The following KANTR variants were observed in gnomAD, a reference collection of about 807,000 sequenced individuals.
KANTR encodes KDM5C adjacent transcript.
At position 53,098,050 on chromosome X, in the gene KANTR, CAAAAAAAAAAA is replaced by C. The variant is rs782145330; in HGVS notation, c.-941-1412_-941-1402del. Among the ~76,000 whole-genome samples the C allele has an allele frequency of 6.8e-5, 3 of 44,253 alleles. No homozygotes were observed. In the East Asian group the frequency reaches 2.5e-3, roughly 36 times the overall value. 38.4% of individuals were successfully genotyped at this position (44,253 alleles called of 115,157 possible). A position where few individuals can be genotyped will look rare whatever the true frequency, so the allele number is the denominator to read the frequency against. On this transcript the variant is annotated intron_variant, in intron 1 of 2. Coordinates refer to ENST00000604062, the Ensembl canonical transcript of KANTR. ...TGGGTGACACAGCGAGACTCTGTCTCAAAAAAAAAAAAAAAAAAAAGAAAGAAAGAAATTAT... is the reference window on the plus strand; with the variant it reads ...TGGGTGACACAGCGAGACTCTGTCTCAAAAAAAAAGAAAGAAAGAAATTAT...
chrX:53,142,929 C>G, downstream of KANTR: 1 of 716,361 alleles, frequency 1.4e-6, no homozygotes. Context: ...CAATCCACAC[C>G]GAGTACTTGT....
At chrX:53,122,419 T>C (rs1376479159) in intron 2 of KANTR, among the ~76,000 whole-genome samples, 1 of 112,017 alleles carries the variant, frequency 8.9e-6, no homozygotes, top group Non-Finnish European at 1.9e-5. Flanking sequence ...TCTTTTCCTT[T>C]CCAATCTTTA....
At chrX:53,143,954 A>T (rs1933538281), downstream of KANTR, 1 of 311,312 alleles carries the variant, frequency 3.2e-6, no homozygotes, top group South Asian at 4.4e-5. Flanking sequence ...CCATGGGAAG[A>T]CACGGTGTGG....
chrX:53,136,026 C>CTGT (rs782110287), intron 2 of KANTR, among the ~76,000 whole-genome samples: 66 of 111,779 alleles, frequency 5.9e-4, no homozygotes, highest in African/African-American at 2.0e-3. Context: ...GCAGATGGGT[C>CTGT]TGTCATCATG....
chrX:53,143,161 T>A, downstream of KANTR: 1 of 936,875 alleles, frequency 1.1e-6, no homozygotes, highest in Non-Finnish European at 1.5e-6. Context: ...CCAGAACCAC[T>A]TGTTGCCGAT....
intron 2 of KANTR, among the ~76,000 whole-genome samples, chrX:53,104,416 G>A (rs1452672871): frequency 1.8e-5 from 2 of 109,253 alleles, no homozygotes; most frequent in African/African-American, 3.3e-5. Flanking sequence ...TAGTAGAGAC[G>A]GGGTTTTGCC....
chrX:53,097,350 G>GT lies in KANTR; in HGVS notation c.-941-2102dup, dbSNP rs781783647. On this transcript the variant is annotated intron_variant, in intron 1 of 2. Transcript: ENST00000604062. ...ACAACCCTTTTTTCATTTGTTTTAA[G>GT]TTTTTTTTTTTTTTTTTTTTGAGAC... Among the ~76,000 whole-genome samples the GT allele has an allele frequency of 2.8e-3, 193 of 67,966 alleles. 4 individuals carry two copies. Among genetic ancestry groups the GT allele is most frequent in the South Asian group, 0.013 (11 of 867 alleles). 59.0% of individuals were successfully genotyped at this position (67,966 alleles called of 115,157 possible). A position where few individuals can be genotyped will look rare whatever the true frequency, so the allele number is the denominator to read the frequency against.
At chrX:53,134,343 CA>C (rs1179269103) in intron 2 of KANTR, among the ~76,000 whole-genome samples, 2 of 104,915 alleles carry the variant, frequency 1.9e-5, no homozygotes, top group Non-Finnish European at 3.9e-5. Flanking sequence ...GCCTGGGCAA[CA>C]AAAGTGAAAC....
At chrX:53,145,907 A>C (rs1313694590), downstream of KANTR, among the ~76,000 whole-genome samples, 1 of 112,434 alleles carries the variant, frequency 8.9e-6, no homozygotes, top group Non-Finnish European at 1.9e-5. Context: ...GTGGACCTCC[A>C]GCAAACTCCA....
intron 2 of KANTR, among the ~76,000 whole-genome samples, chrX:53,117,772 C>T (rs191530660): frequency 1.1e-3 from 123 of 108,309 alleles, no homozygotes; most frequent in African/African-American, 4.0e-3. Context: ...AGGTGTGCAC[C>T]ACCACACCCA....
At chrX:53,120,275 A>G (rs1933197810) in intron 2 of KANTR, among the ~76,000 whole-genome samples, 2 of 111,068 alleles carry the variant, frequency 1.8e-5, no homozygotes, top group African/African-American at 6.6e-5. Context: ...GCCTCAAGTG[A>G]TCCTCCTGCC....
At chrX:53,141,189 A>G (rs1933497278) in intron 2 of KANTR, among the ~76,000 whole-genome samples, 4 of 112,346 alleles carry the variant, frequency 3.6e-5, no homozygotes, top group Admixed American at 1.9e-4. Context: ...ATTATTTTGA[A>G]ATTATATTTG....
chrX:53,131,128 G>A (rs1435413340), downstream of KANTR, among the ~76,000 whole-genome samples: 1 of 110,991 alleles, frequency 9.0e-6, no homozygotes, highest in Non-Finnish European at 1.9e-5. Flanking sequence ...ATACTCAGAG[G>A]TAGGATTGAC....
At chrX:53,124,828 G>A (rs1933274033) in exon 3 of KANTR, 1 of 132,422 alleles carries the variant, frequency 7.6e-6, no homozygotes, top group Non-Finnish European at 1.5e-5. Context: ...TTGTTTTATG[G>A]CTTAGTATGT....
chrX:53,128,274 A>G (rs1270240260), downstream of KANTR, among the ~76,000 whole-genome samples: 1 of 111,667 alleles, frequency 9.0e-6, no homozygotes, highest in Non-Finnish European at 1.9e-5. Flanking sequence ...CTGTACACTG[A>G]AGACACAGAG....
intron 2 of KANTR, among the ~76,000 whole-genome samples, chrX:53,100,696 G>A (rs1556811723): frequency 9.1e-6 from 1 of 109,597 alleles, no homozygotes; most frequent in Non-Finnish European, 1.9e-5. Flanking sequence ...TACTCAAGAG[G>A]CTGAGTCAGG....
intron 2 of KANTR, among the ~76,000 whole-genome samples, chrX:53,118,824 G>A (rs1164942084): frequency 3.6e-5 from 4 of 109,596 alleles, no homozygotes; most frequent in Non-Finnish European, 5.7e-5. Context: ...AAGACTGGTC[G>A]TGAACTCCTG....
intron 2 of KANTR, among the ~76,000 whole-genome samples, chrX:53,139,631 A>C (rs1398303625): frequency 1.8e-5 from 2 of 111,837 alleles, no homozygotes; most frequent in African/African-American, 6.5e-5. Flanking sequence ...CCAGCCAGAC[A>C]ATACAACATG....
downstream of KANTR, among the ~76,000 whole-genome samples, chrX:53,146,341 T>C (rs1381982636): frequency 1.8e-5 from 2 of 111,905 alleles, no homozygotes; most frequent in Non-Finnish European, 3.8e-5. Flanking sequence ...AACTATCTGA[T>C]GAATGCACAA....
Sources: allele counts gnomAD v4.1 joint callset (sites outside exome capture counted in the v4.1 genomes callset), GRCh38; gene constraint gnomAD v4.1.1; transcripts MANE v1.5; gene names NCBI Gene and HGNC (gene_info 2026-07-23, HGNC 2026-07-21).